Variants in SRD5A2 observed in about 807,000 individuals in gnomAD.
The protein encoded by SRD5A2 is steroid 5 alpha-reductase 2, also known as 3-oxo-5-alpha-steroid 4-dehydrogenase 2.
A neutral mutation model predicts 27.4 loss-of-function variants in SRD5A2; 30 were observed. The observed-to-expected ratio is 1.10, with a 90% confidence interval of 0.82 to 1.49. SRD5A2 has a LOEUF of 1.49. SRD5A2 is among the 40% of genes most tolerant of loss of function. The pLI is 0.00. For missense variants in SRD5A2, 348 were observed against 323.4 expected (o/e 1.08, Z -0.58); for synonymous variants, 141 against 133.6 (o/e 1.06, Z -0.38).
At chr2:31,648,721 T>C in the SRD5A2 span, among the ~76,000 whole-genome samples, 3 of 152,348 alleles carry the variant, frequency 2.0e-5, no homozygotes, top group East Asian at 5.8e-4. Flanking sequence ...AGTTTGAGCA[T>C]CTATGAACTT....
chr2:31,549,764 T>C (rs918599567), intron 1 of SRD5A2, among the ~76,000 whole-genome samples: 9 of 152,028 alleles, frequency 5.9e-5, no homozygotes, highest in African/African-American at 2.2e-4. Context: ...GAAAAATAAA[T>C]AGATCTACTA....
the SRD5A2 span, among the ~76,000 whole-genome samples, chr2:31,646,086 C>T: frequency 6.6e-6 from 1 of 151,846 alleles, no homozygotes; most frequent in African/African-American, 2.4e-5. Context: ...ATTTTAATAC[C>T]ATAAACATGA....
At chr2:31,568,065 C>G (rs1478351271) in intron 1 of SRD5A2, among the ~76,000 whole-genome samples, 2 of 152,140 alleles carry the variant, frequency 1.3e-5, no homozygotes, top group Non-Finnish European at 2.9e-5. Flanking sequence ...ATGGTTGGAC[C>G]AGATGTACCC....
chr2:31,638,308 T>C, the SRD5A2 span, among the ~76,000 whole-genome samples: 1 of 152,140 alleles, frequency 6.6e-6, no homozygotes, highest in Non-Finnish European at 1.5e-5. Context: ...AGATATGATT[T>C]CTGTTTTTAA....
chr2:31,607,193 A>G, the SRD5A2 span, among the ~76,000 whole-genome samples: 1 of 152,054 alleles, frequency 6.6e-6, no homozygotes. Flanking sequence ...TGTAGCTGTA[A>G]TTACTAAAAG....
At chr2:31,605,423 T>C in the SRD5A2 span, among the ~76,000 whole-genome samples, 6 of 149,070 alleles carry the variant, frequency 4.0e-5, no homozygotes, top group Non-Finnish European at 8.9e-5. Context: ...CCAGAATATA[T>C]AAGGAGCTCA....
At chr2:31,634,297 C>T in the SRD5A2 span, among the ~76,000 whole-genome samples, 2 of 151,854 alleles carry the variant, frequency 1.3e-5, no homozygotes, top group Admixed American at 6.6e-5. Context: ...AAAGAAGTTA[C>T]ACTGAAACAC....
chr2:31,643,190 T>C, the SRD5A2 span, among the ~76,000 whole-genome samples: 3 of 152,112 alleles, frequency 2.0e-5, no homozygotes, highest in African/African-American at 4.8e-5. Flanking sequence ...CTCAAGGAAA[T>C]TGGCAAATTT....
At chr2:31,548,974 C>G (rs966902071) in intron 1 of SRD5A2, among the ~76,000 whole-genome samples, 1 of 151,556 alleles carries the variant, frequency 6.6e-6, no homozygotes, top group Non-Finnish European at 1.5e-5. Flanking sequence ...AAGCCAGTCA[C>G]GAGAAGACAA....
the SRD5A2 span, among the ~76,000 whole-genome samples, chr2:31,615,251 G>GAGGTTGGAGC: frequency 6.6e-6 from 1 of 152,332 alleles, no homozygotes; most frequent in Non-Finnish European, 1.5e-5. Flanking sequence ...CTGAGTAACA[G>GAGGTTGGAGC]AGGTTGGAGC....
At chr2:31,529,494 C>T in intron 3 of SRD5A2, 37 bp from the exon 4 acceptor site, 1 of 1,604,356 alleles carries the variant, frequency 6.2e-7, no homozygotes, top group Non-Finnish European at 8.5e-7. Context: ...ATCATTGCAA[C>T]TGAATCATTT....
chr2:31,563,768 G>A (rs1405432848), intron 1 of SRD5A2, among the ~76,000 whole-genome samples: 1 of 152,052 alleles, frequency 6.6e-6, no homozygotes, highest in East Asian at 1.9e-4. Context: ...GATCACACAT[G>A]GCCACAAATA....
the SRD5A2 span, among the ~76,000 whole-genome samples, chr2:31,609,041 A>T: frequency 1.3e-5 from 2 of 152,094 alleles, no homozygotes; most frequent in Admixed American, 1.3e-4. Context: ...CCACATGAGA[A>T]CACAATAAGA....
chr2:31,648,989 G>C, the SRD5A2 span, among the ~76,000 whole-genome samples: 2 of 152,044 alleles, frequency 1.3e-5, no homozygotes, highest in Non-Finnish European at 2.9e-5. Flanking sequence ...CTCTTTCCTG[G>C]GTTTCCCACT....
At chr2:31,598,445 AAAT>A in the SRD5A2 span, among the ~76,000 whole-genome samples, 2 of 152,106 alleles carry the variant, frequency 1.3e-5, no homozygotes, top group Admixed American at 1.3e-4. Flanking sequence ...AAAACTATAG[AAAT>A]AATAATAATA....
At chr2:31,651,828 A>G in the SRD5A2 span, 1 of 152,564 alleles carries the variant, frequency 6.6e-6, no homozygotes, top group South Asian at 2.1e-4. Flanking sequence ...TCGTGGTACA[A>G]ACAGTGAAGG....
chr2:31,542,649 G>A (rs1440103377), intron 1 of SRD5A2, among the ~76,000 whole-genome samples: 1 of 152,034 alleles, frequency 6.6e-6, no homozygotes, highest in African/African-American at 2.4e-5. Flanking sequence ...TAACAGAAAT[G>A]AAAAATTTAC....
the SRD5A2 span, among the ~76,000 whole-genome samples, chr2:31,600,958 C>T: frequency 6.6e-6 from 1 of 151,768 alleles, no homozygotes; most frequent in African/African-American, 2.4e-5. Flanking sequence ...ATGATATGAT[C>T]ATTTCAATTC....
At chr2:31,657,350 T>G in the SRD5A2 span, among the ~76,000 whole-genome samples, 1 of 152,244 alleles carries the variant, frequency 6.6e-6, no homozygotes, top group African/African-American at 2.4e-5. Flanking sequence ...TGTAATACAT[T>G]ATGGTACTGA....
Sources: gnomAD v4.1 joint callset for allele counts (sites outside exome capture counted in the v4.1 genomes callset) on GRCh38, gnomAD v4.1.1 for gene constraint, MANE v1.5 for transcripts, NCBI Gene and HGNC (gene_info 2026-07-23, HGNC 2026-07-21) for gene names.